The following ZFAND3 variants were observed in gnomAD, a reference collection of about 807,000 sequenced individuals.
The protein encoded by ZFAND3 is AN1-type zinc finger protein 3.
In ZFAND3, 10 loss-of-function variants were observed where a neutral mutation model predicts 29.6. The ratio of observed to expected loss-of-function variants is 0.34; its 90% CI spans 0.21 to 0.57. The LOEUF is 0.57. ZFAND3 is among the 20% of genes least tolerant of loss of function. ZFAND3 has a pLI of 0.86. For missense variants in ZFAND3, 230 were observed against 304.5 expected (o/e 0.76, Z 1.82); for synonymous variants, 128 against 112.6 (o/e 1.14, Z -0.87).
intron 1 of ZFAND3, among the ~76,000 whole-genome samples, chr6:37,822,961 C>T (rs1213758496): frequency 6.6e-6 from 1 of 152,084 alleles, no homozygotes; most frequent in Non-Finnish European, 1.5e-5. Flanking sequence ...AATTGGTGAT[C>T]CAGGGCCCTC....
intron 2 of ZFAND3, among the ~76,000 whole-genome samples, chr6:37,991,917 C>G (rs1483536700): frequency 1.3e-5 from 2 of 152,114 alleles, no homozygotes. Context: ...GTTCAGGATT[C>G]TTTTGACATT....
chr6:37,820,461 C>G (rs1292547536), intron 1 of ZFAND3, among the ~76,000 whole-genome samples: 1 of 152,222 alleles, frequency 6.6e-6, no homozygotes, highest in African/African-American at 2.4e-5. Flanking sequence ...TCCCCTCCTC[C>G]CCGTCCTCCG....
At chr6:37,879,596 G>T (rs1321117906) in intron 1 of ZFAND3, among the ~76,000 whole-genome samples, 2 of 152,106 alleles carry the variant, frequency 1.3e-5, no homozygotes, top group Non-Finnish European at 2.9e-5. Flanking sequence ...TTAAAAATGT[G>T]TGTTTCTTAA....
intron 2 of ZFAND3, chr6:38,002,907 C>CT (rs1762975793): frequency 1.3e-5 from 2 of 152,084 alleles, no homozygotes; most frequent in Admixed American, 6.6e-5. Context: ...TTGATATTTT[C>CT]TTTTTAAAAA....
intron 5 of ZFAND3, among the ~76,000 whole-genome samples, chr6:38,126,308 G>A (rs1049857518): frequency 3.3e-5 from 5 of 152,196 alleles, no homozygotes; most frequent in East Asian, 1.9e-4. Context: ...TTTGCCAGTC[G>A]ACATACACTT....
intron 2 of ZFAND3, among the ~76,000 whole-genome samples, chr6:37,975,878 A>G (rs1173641056): frequency 2.6e-5 from 4 of 152,178 alleles, no homozygotes; most frequent in Non-Finnish European, 4.4e-5. Context: ...TTTTATTTCA[A>G]TATGAGTTTT....
chr6:37,920,430 G>C (rs1761356679), intron 1 of ZFAND3, among the ~76,000 whole-genome samples: 1 of 151,696 alleles, frequency 6.6e-6, no homozygotes, highest in East Asian at 1.9e-4. Context: ...GTTAGATGGT[G>C]CTGGACTAAA....
At chr6:38,026,892 A>T (rs773652570) in intron 2 of ZFAND3, among the ~76,000 whole-genome samples, 1 of 150,772 alleles carries the variant, frequency 6.6e-6, no homozygotes, top group Non-Finnish European at 1.5e-5. Flanking sequence ...CTGCCTGCAC[A>T]TTAGCTAATT....
At chr6:38,144,180 A>AT (rs1392200211) in intron 5 of ZFAND3, among the ~76,000 whole-genome samples, 1,409 of 18,806 alleles carry the variant, frequency 0.075, 30 homozygotes, top group African/African-American at 0.099. Flanking sequence ...TGATATATAT[A>AT]TATAATATAT....
At chr6:38,101,035 T>C (rs1004829278) in intron 4 of ZFAND3, among the ~76,000 whole-genome samples, 10 of 152,210 alleles carry the variant, frequency 6.6e-5, no homozygotes, top group Non-Finnish European at 1.5e-4. Context: ...AACACTGATA[T>C]AACATATAGT....
rs1766303426 is a variant in ZFAND3 at position 38,154,272 on chromosome 6, CCG to C, written c.*1885_*1886del. The stretch of plus-strand genomic sequence containing the variant: ...CCTTCCCGGCCCTCCCCAGGGCCCC[CCG>C]CCCCCTCCTCTGCCTGCTGCGTGGA... On this transcript the variant is annotated 3_prime_UTR_variant, in exon 6 of 6. Coordinates refer to ENST00000287218, the MANE Select transcript of ZFAND3 (RefSeq NM_021943.3). 2.5e-5 allele frequency: 25 copies of C among 985,458 alleles called. No homozygotes were observed. The highest frequency in any genetic ancestry group is 3.0e-5 in the Non-Finnish European group (25 of 829,930). The allele number at this position is 985,458 out of a possible 1,614,324, so 61.0% of individuals were successfully genotyped here.
intron 2 of ZFAND3, among the ~76,000 whole-genome samples, chr6:38,023,360 T>C (rs1223827003): frequency 6.6e-6 from 1 of 152,208 alleles, no homozygotes; most frequent in African/African-American, 2.4e-5. Flanking sequence ...TTTAATAACA[T>C]TTTAAGACAT....
chr6:37,924,070 T>G (rs1761436276), intron 1 of ZFAND3, among the ~76,000 whole-genome samples: 1 of 152,178 alleles, frequency 6.6e-6, no homozygotes, highest in Non-Finnish European at 1.5e-5. Context: ...GAAAAAAATT[T>G]AAGCAGATTT....
At chr6:37,896,261 T>C (rs528995733) in intron 1 of ZFAND3, among the ~76,000 whole-genome samples, 1 of 152,162 alleles carries the variant, frequency 6.6e-6, no homozygotes, top group Non-Finnish European at 1.5e-5. Context: ...CAAAAAACCG[T>C]GGATGAATAT....
chr6:37,929,927 T>G, intron 1 of ZFAND3, 32 bp from the exon 2 acceptor site: 1 of 1,575,274 alleles, frequency 6.3e-7, no homozygotes, highest in Non-Finnish European at 8.6e-7. Flanking sequence ...TTTTTAGCTC[T>G]TCTTTCTTTC....
At chr6:38,002,858 C>G (rs1035145353) in intron 2 of ZFAND3, 3 of 152,146 alleles carry the variant, frequency 2.0e-5, no homozygotes, top group Non-Finnish European at 2.9e-5. Context: ...AGCAGATTCG[C>G]TGGCTTCATC....
At chr6:38,137,397 A>G (rs1466972377) in intron 5 of ZFAND3, among the ~76,000 whole-genome samples, 2 of 152,226 alleles carry the variant, frequency 1.3e-5, no homozygotes, top group Admixed American at 1.3e-4. Context: ...AGCATTAAAT[A>G]TTGCTAGAAG....
chr6:38,032,370 A>C (rs1236501956), intron 2 of ZFAND3, among the ~76,000 whole-genome samples: 2 of 152,180 alleles, frequency 1.3e-5, no homozygotes, highest in Admixed American at 1.3e-4. Context: ...TCACCAATAG[A>C]AATAATTTTG....
intron 2 of ZFAND3, among the ~76,000 whole-genome samples, chr6:37,994,334 C>G (rs1232298832): frequency 3.3e-5 from 5 of 152,158 alleles, no homozygotes; most frequent in African/African-American, 1.2e-4. Flanking sequence ...CTTCTACTCA[C>G]AATCAGGTTA....
Sources: gnomAD v4.1 joint callset for allele counts (sites outside exome capture counted in the v4.1 genomes callset) on GRCh38, gnomAD v4.1.1 for gene constraint, MANE v1.5 for transcripts, NCBI Gene and HGNC (gene_info 2026-07-23, HGNC 2026-07-21) for gene names.